Variants in GPRIN1 observed in about 807,000 individuals in gnomAD.
GPRIN1 encodes the protein G protein regulated inducer of neurite outgrowth 1.
A neutral mutation model predicts 2.8 loss-of-function variants in GPRIN1; 4 were observed. That is an observed-to-expected ratio of 1.45 (90% confidence interval 0.71 to 3.32). The LOEUF (loss-of-function observed/expected upper bound fraction) is 3.32, where lower values mean the gene tolerates loss of function less well. GPRIN1 is among the 30% of genes most tolerant of loss of function. The pLI is 0.01. For missense variants in GPRIN1, 1,322 were observed against 1,343.4 expected (o/e 0.98, Z 0.25); for synonymous variants, 589 against 589.9 (o/e 1.00, Z 0.02).
At position 176,597,399 on chromosome 5, in the gene GPRIN1, C is replaced by T. The variant is rs1322407315; in HGVS notation, c.2436G>A (p.Ala812=). ...AGGCCTGCGCGCCCGCCTGAGTGCC[C>T]GCGTCCTCGCGCGGCGGCGGCGGGG... is the stretch of plus-strand genomic sequence containing the variant. ...ASAPPPPRED[A]GTQAGAQACV... is the part of the protein sequence containing the mutation. Residue 812 remains alanine, a synonymous_variant, in exon 2 of 2, where the codon GCG becomes GCA. Coordinates refer to ENST00000303991, the MANE Select transcript of GPRIN1 (RefSeq NM_052899.3). The surrounding 1 kb of genome is among the most constrained non-coding windows in gnomAD (Gnocchi z 6.1). 15 of 1,290,720 alleles carry T rather than the reference C, an allele frequency of 1.2e-5. No individual in the cohort carries two copies. Among genetic ancestry groups the T allele is most frequent in the Admixed American group, 4.2e-5 (1 of 23,938 alleles). 80.0% of individuals were successfully genotyped at this position (1,290,720 alleles called of 1,614,324 possible).
In GPRIN1 at chr5:176,598,756, T is replaced by A. The variant is rs146535631; in HGVS notation, c.1079A>T (p.Asn360Ile). The A allele has an allele frequency of 7.5e-5, 121 of 1,613,582 alleles. No individual in the cohort carries two copies. Among genetic ancestry groups the A allele is most frequent in the Admixed American group, 2.5e-4 (15 of 60,022 alleles). Residue 360 changes from asparagine to isoleucine, a missense_variant, in exon 2 of 2, where the codon AAT (asparagine) becomes ATT (isoleucine). This residue lies in a region of GPRIN1 where 1,117 missense variants were observed against 1,128.6 expected (regional missense o/e 0.99). Transcript: ENST00000303991. ...TTTTGTGGCAGGCACAGTTTCTACA[T>A]TTCCCACAGATGCGGGATCTGCCAT... ...LGMADPASVGNVETVPATKED... is the reference protein window; with the variant it reads ...LGMADPASVGIVETVPATKED...
intron 1 of GPRIN1, among the ~76,000 whole-genome samples, chr5:176,605,498 C>T (rs533309918): frequency 4.9e-4 from 75 of 152,212 alleles, no homozygotes; most frequent in Middle Eastern, 3.4e-3. Context: ...CCAGGGTGAC[C>T]GGGAAGATGG....
chr5:176,603,223 C>A (rs1347823946), intron 1 of GPRIN1, among the ~76,000 whole-genome samples: 1 of 152,096 alleles, frequency 6.6e-6, no homozygotes, highest in East Asian at 1.9e-4. Context: ...CCACTCCCAC[C>A]CCCAAAACAT....
rs1431380724 is a variant in GPRIN1 at position 176,606,148 on chromosome 5, C to T, written c.-44+3851G>A. ...TGACTTCAAGCAACGCCCTTCTCCT[C>T]CTTGGGGACCCTGAAGAACCCACCT... On this transcript the variant is annotated intron_variant, in intron 1 of 1. Coordinates refer to ENST00000303991, the MANE Select transcript of GPRIN1 (RefSeq NM_052899.3). Among the ~76,000 whole-genome samples the T allele has an allele frequency of 3.3e-5, 5 of 152,296 alleles. No individual in the cohort carries two copies. In the South Asian group the frequency reaches 8.3e-4, roughly 25 times the overall value.
intron 1 of GPRIN1, among the ~76,000 whole-genome samples, chr5:176,600,105 C>T (rs2113349411): frequency 6.6e-6 from 1 of 152,324 alleles, no homozygotes; most frequent in South Asian, 2.1e-4. Flanking sequence ...ACAACTTGGC[C>T]ACAGCCTAAC....
rs369164038 is a variant in GPRIN1, at chr5:176,605,346, G to T, written c.-44+4653C>A. On this transcript the variant is annotated intron_variant, in intron 1 of 1. Transcript: ENST00000303991. ...CTGGCCTCAAGTGACTGGCTGCCTT[G>T]GCCTCCCAAAGTGCTGCGATTACAG... Among the ~76,000 whole-genome samples the T allele has an allele frequency of 2.2e-3, 342 of 152,168 alleles. 2 individuals carry two copies. Among genetic ancestry groups the T allele is most frequent in the African/African-American group, 8.0e-3 (333 of 41,518 alleles).
At chr5:176,600,143 A>G (rs1378042125) in intron 1 of GPRIN1, among the ~76,000 whole-genome samples, 1 of 152,114 alleles carries the variant, frequency 6.6e-6, no homozygotes, top group Non-Finnish European at 1.5e-5. Flanking sequence ...TTTTTGAGAC[A>G]GAGTTTCGCT....
chr5:176,596,951 G>C lies in GPRIN1; in HGVS notation c.2884C>G (p.Arg962Gly), dbSNP rs537226925. The change falls in exon 2 of 2, where the codon CGT (arginine) becomes GGT (glycine). Residue 962 changes from arginine to glycine, a missense_variant. Physicochemically the swap from Arg to Gly is moderately radical, Grantham distance 125. Around this residue, in one of 3 missense-constraint regions of GPRIN1, gnomAD observed 196 missense variants for 189.2 expected, o/e 1.04. Coordinates refer to ENST00000303991, the MANE Select transcript of GPRIN1 (RefSeq NM_052899.3). This position sits in a 1 kb window ranked among gnomAD's most constrained non-coding sequence, Gnocchi z 5.2. ...QGAPAPPPAA[R>G]AGPGRSGSVR... ...GAGCCCGAACGGCCGGGGCCGGCAC[G>C]GGCGGCGGGCGGCGGCGCGGGCGCC... The C allele has an allele frequency of 1.9e-4, 242 of 1,294,454 alleles. 3 individuals carry two copies. In the African/African-American group the frequency reaches 3.3e-3, roughly 18 times the overall value. 80.2% of individuals were successfully genotyped at this position (1,294,454 alleles called of 1,614,324 possible).
At chr5:176,601,814 A>G (rs1478589282) in intron 1 of GPRIN1, among the ~76,000 whole-genome samples, 2 of 152,132 alleles carry the variant, frequency 1.3e-5, no homozygotes, top group African/African-American at 4.8e-5. Context: ...TACCATCAGA[A>G]TATATCCAGC....
In GPRIN1 at chr5:176,607,903, CTTTTTTTTTTTTTTT is replaced by C. The variant is rs35368228; in HGVS notation, c.-44+2081_-44+2095del. 1.1e-3 allele frequency among the ~76,000 whole-genome samples: 74 copies of C among 67,378 alleles called. 1 individual carries two copies. The highest frequency in any genetic ancestry group is 3.2e-3 in the African/African-American group (47 of 14,558). 44.2% of individuals were successfully genotyped at this position (67,378 alleles called of 152,430 possible). On this transcript the variant is annotated intron_variant, in intron 1 of 1. Coordinates refer to ENST00000303991, the MANE Select transcript of GPRIN1 (RefSeq NM_052899.3). ...AGATCGTGGACACTGACACTTGGCT[CTTTTTTTTTTTTTTT>C]TTTTTTTTTTTTTTTTTTTTTTCTG... is the stretch of plus-strand genomic sequence containing the variant.
Position 176,597,627 on chromosome 5 carries a change from C to A in GPRIN1, c.2208G>T (p.Arg736=). ...CACTGCCCCTGGCACCCTCGGGAGA[C>A]CGGGCTGAGCCGAGGGCTTTGCGGT... ...QLDRKALGSA[R]SPEGARGSEG... The change falls in exon 2 of 2, where the codon CGG becomes CGT. Residue 736 remains arginine, a synonymous_variant. Coordinates refer to ENST00000303991, the MANE Select transcript of GPRIN1 (RefSeq NM_052899.3). The surrounding 1 kb of genome is among the most constrained non-coding windows in gnomAD (Gnocchi z 6.1). 1 of 1,600,254 alleles carries A rather than the reference C, an allele frequency of 6.2e-7. No homozygotes were observed. Among genetic ancestry groups the A allele is most frequent in the Non-Finnish European group, 8.5e-7 (1 of 1,178,100 alleles).
Position 176,596,671 on chromosome 5 carries a change from A to G in GPRIN1, c.*137T>C. ...ATTTGTGATGGGAGGGGCTGGAAAG[A>G]CGGGGACGCAACAGCCCTAGAGGCT... On this transcript the variant is annotated 3_prime_UTR_variant, in exon 2 of 2. Transcript: ENST00000303991. This position sits in a 1 kb window ranked among gnomAD's most constrained non-coding sequence, Gnocchi z 5.2. The G allele has an allele frequency of 1.6e-6, 1 of 640,012 alleles. No individual in the cohort carries two copies. Among genetic ancestry groups the G allele is most frequent in the Non-Finnish European group, 2.2e-6 (1 of 461,440 alleles). The allele number at this position is 640,012 out of a possible 1,614,324, so 39.6% of individuals were successfully genotyped here. A position where few individuals can be genotyped will look rare whatever the true frequency, so the allele number is the denominator to read the frequency against.
In GPRIN1 at chr5:176,598,895, C is replaced by G; in HGVS notation, c.940G>C (p.Glu314Gln). The change falls in exon 2 of 2, where the codon GAG (glutamate) becomes CAG (glutamine). Residue 314 changes from glutamate (E) to glutamine (Q), a missense_variant. By Grantham distance (29) the Glu-to-Gln change is conservative. Coordinates refer to ENST00000303991, the MANE Select transcript of GPRIN1 (RefSeq NM_052899.3). ...ATCAGCTTGCCCAGGAGCCCCGGCTCTGTCTTTCCTGTGGACGCAGAATCC... is the reference window on the plus strand; with the variant it reads ...ATCAGCTTGCCCAGGAGCCCCGGCTGTGTCTTTCCTGTGGACGCAGAATCC... ...SMDSASTGKT[E>Q]PGLLGKLIPG... 6.2e-7 allele frequency: 1 copy of G among 1,614,180 alleles called. No homozygotes were observed. The highest frequency in any genetic ancestry group is 8.5e-7 in the Non-Finnish European group (1 of 1,180,034).
At chr5:176,607,721 A>G (rs1359002950) in intron 1 of GPRIN1, among the ~76,000 whole-genome samples, 2 of 151,840 alleles carry the variant, frequency 1.3e-5, no homozygotes, top group African/African-American at 4.8e-5. Flanking sequence ...AGATGAGGCC[A>G]CTGAAGTCAG....
rs35368228 is a variant in GPRIN1, at chr5:176,607,903, C to CTTTTTTTTTT, written c.-44+2086_-44+2095dup. Reference sequence around the variant, plus strand: ...AGATCGTGGACACTGACACTTGGCTCTTTTTTTTTTTTTTTTTTTTTTTTT... The same window carrying CTTTTTTTTTT: ...AGATCGTGGACACTGACACTTGGCTCTTTTTTTTTTTTTTTTTTTTTTTTTTTTTTTTTTT... On this transcript the variant is annotated intron_variant, in intron 1 of 1. Transcript: ENST00000303991. Among the ~76,000 whole-genome samples the CTTTTTTTTTT allele has an allele frequency of 7.4e-5, 5 of 67,354 alleles. 1 individual carries two copies. The highest frequency in any genetic ancestry group is 1.0e-4 in the Non-Finnish European group (4 of 38,282). The allele number at this position is 67,354 out of a possible 152,430, so 44.2% of individuals were successfully genotyped here. A position where few individuals can be genotyped will look rare whatever the true frequency, so the allele number is the denominator to read the frequency against.
rs1759080169 is a variant in GPRIN1, at chr5:176,598,070, TC to T, written c.1764del (p.Lys589ArgfsTer23). On this transcript the variant is annotated frameshift_variant, in exon 2 of 2. Transcript: ENST00000303991. LOFTEE classifies it low-confidence loss of function (END_TRUNC). Reference sequence around the variant, plus strand: ...TTTCCCAGGGACACGGGATCCACCTTCCCCGAGGGCACCGGGACTGTTTTTC... The same window carrying T: ...TTTCCCAGGGACACGGGATCCACCTTCCCGAGGGCACCGGGACTGTTTTTC... ...TPGKTVPVPS[G>X]KVDPVSLGKA... 6.2e-7 allele frequency: 1 copy of T among 1,613,740 alleles called. No individual in the cohort carries two copies. Among genetic ancestry groups the T allele is most frequent in the Non-Finnish European group, 8.5e-7 (1 of 1,179,998 alleles).
rs1561886299 is a variant in GPRIN1, at chr5:176,598,043, CT to C, written c.1791del (p.Ala598GlnfsTer14). On this transcript the variant is annotated frameshift_variant, in exon 2 of 2. Transcript: ENST00000303991. LOFTEE classifies it low-confidence loss of function (END_TRUNC). Reference sequence around the variant, plus strand: ...ACTTTTCCCTCTGGGATAGCTTCTGCTTTTCCCAGGGACACGGGATCCACCT... The same window carrying C: ...ACTTTTCCCTCTGGGATAGCTTCTGCTTTCCCAGGGACACGGGATCCACCT... The part of the protein sequence containing the change: ...SGKVDPVSLG[K>X]AEAIPEGKVG... 6.2e-7 allele frequency: 1 copy of C among 1,614,088 alleles called. No individual in the cohort carries two copies. The highest frequency in any genetic ancestry group is 1.1e-5 in the South Asian group (1 of 91,072).
In GPRIN1 at chr5:176,602,286, A is replaced by G. The variant is rs2113351112; in HGVS notation, c.-43-2409T>C. On this transcript the variant is annotated intron_variant, in intron 1 of 1. Transcript: ENST00000303991. This position sits in a 1 kb window ranked among gnomAD's most constrained non-coding sequence, Gnocchi z 4.4. Reference sequence around the variant, plus strand: ...AGCCTCCTCCCCAGCTCTGGCTGGCATTCTCCACCCTCTTATTCTAATCAG... The same window carrying G: ...AGCCTCCTCCCCAGCTCTGGCTGGCGTTCTCCACCCTCTTATTCTAATCAG... Among the ~76,000 whole-genome samples the G allele has an allele frequency of 6.6e-6, 1 of 152,254 alleles. No individual in the cohort carries two copies. Among genetic ancestry groups the G allele is most frequent in the Middle Eastern group, 3.4e-3 (1 of 294 alleles).
intron 1 of GPRIN1, among the ~76,000 whole-genome samples, chr5:176,609,043 C>A (rs1759268822): frequency 6.6e-6 from 1 of 152,214 alleles, no homozygotes; most frequent in Non-Finnish European, 1.5e-5. Context: ...AGAAACGGCC[C>A]TCAGACCATG....
Sources: gnomAD v4.1 joint callset for allele counts (sites outside exome capture counted in the v4.1 genomes callset) on GRCh38, gnomAD v4.1.1 for gene constraint, gnomAD v4.1.1 regional missense constraint, Gnocchi (gnomAD v3.1) non-coding constraint, MANE v1.5 for transcripts, NCBI Gene and HGNC (gene_info 2026-07-23, HGNC 2026-07-21) for gene names.